HNF4G: variants seen among roughly 807,000 people sequenced by gnomAD.
HNF4G encodes hepatocyte nuclear factor 4-gamma.
In HNF4G, 21 loss-of-function variants were observed where a neutral mutation model predicts 50.9. The observed-to-expected ratio is 0.41, with a 90% CI of 0.29 to 0.59. HNF4G has a LOEUF of 0.59. Among genes scored for constraint, HNF4G ranks in the 20% least tolerant of loss-of-function variants. The pLI is 0.26. For missense variants in HNF4G, 527 were observed against 559.4 expected (o/e 0.94, Z 0.58); for synonymous variants, 198 against 185.6 (o/e 1.07, Z -0.54).
At chr8:75,443,610 C>G (rs1200776162) in intron 1 of HNF4G, among the ~76,000 whole-genome samples, 1 of 152,096 alleles carries the variant, frequency 6.6e-6, no homozygotes, top group Admixed American at 6.6e-5. Flanking sequence ...ATTCTTCCAC[C>G]TTAGTCACCA....
intron 1 of HNF4G, among the ~76,000 whole-genome samples, chr8:75,411,909 T>C (rs1437885024): frequency 1.3e-5 from 2 of 152,202 alleles, no homozygotes; most frequent in African/African-American, 2.4e-5. Flanking sequence ...TGCTAATCCA[T>C]GGGAAACATT....
At position 75,421,211 on chromosome 8, in the gene HNF4G, G is replaced by C. The variant is rs1160258353; in HGVS notation, c.-144+13049G>C. On this transcript the variant is annotated intron_variant, in intron 1 of 10. Transcript: ENST00000354370. ...CTGTTCCTTTTTCATGGTAGGTCTT[G>C]GAAATCTGTGCATTTTACACTTGCA... Among the ~76,000 whole-genome samples, 4 of 152,132 alleles carry C rather than the reference G, an allele frequency of 2.6e-5. No homozygotes were observed. In the East Asian group the frequency reaches 5.8e-4, roughly 22 times the overall value.
intron 1 of HNF4G, among the ~76,000 whole-genome samples, chr8:75,417,101 G>T (rs1810657159): frequency 7.2e-6 from 1 of 139,034 alleles, no homozygotes; most frequent in African/African-American, 2.8e-5. Flanking sequence ...ACGAGCATGT[G>T]CATGGTCGCA....
chr8:75,561,803 T>C (rs1292309291), intron 9 of HNF4G, among the ~76,000 whole-genome samples: 1 of 152,174 alleles, frequency 6.6e-6, no homozygotes, highest in East Asian at 1.9e-4. Flanking sequence ...GGGCTGCTTA[T>C]GAAAACTCCT....
chr8:75,466,294 C>T (rs1811969058), intron 1 of HNF4G, among the ~76,000 whole-genome samples: 1 of 152,040 alleles, frequency 6.6e-6, no homozygotes, highest in Non-Finnish European at 1.5e-5. Flanking sequence ...GCCTCTTTAT[C>T]TTCCAACTTT....
At chr8:75,450,551 C>T (rs1476146497) in intron 1 of HNF4G, among the ~76,000 whole-genome samples, 1 of 152,176 alleles carries the variant, frequency 6.6e-6, no homozygotes, top group African/African-American at 2.4e-5. Flanking sequence ...TACATTCTCA[C>T]CAACTGTGTA....
At chr8:75,540,938 A>AT (rs1362248449) in intron 1 of HNF4G, among the ~76,000 whole-genome samples, 2 of 151,228 alleles carry the variant, frequency 1.3e-5, no homozygotes, top group Non-Finnish European at 2.9e-5. Flanking sequence ...ATTCTACTGT[A>AT]TTGTATAATT....
intron 9 of HNF4G, among the ~76,000 whole-genome samples, chr8:75,562,423 A>G (rs554564690): frequency 5.8e-4 from 89 of 152,316 alleles, no homozygotes; most frequent in African/African-American, 2.1e-3. Context: ...ATTTGGGACC[A>G]TCCTTGCAGA....
chr8:75,487,023 A>G (rs952344716), intron 1 of HNF4G, among the ~76,000 whole-genome samples: 2 of 143,138 alleles, frequency 1.4e-5, no homozygotes, highest in East Asian at 2.0e-4. Flanking sequence ...ATGATAAGAA[A>G]AAACTAGGTA....
At chr8:75,456,204 T>C (rs962167273) in intron 1 of HNF4G, among the ~76,000 whole-genome samples, 4 of 152,050 alleles carry the variant, frequency 2.6e-5, no homozygotes, top group Non-Finnish European at 4.4e-5. Flanking sequence ...CTTTACAGGG[T>C]AGTGCAAAAT....
intron 8 of HNF4G, 129 bp downstream of exon 8, chr8:75,559,166 T>C: frequency 1.4e-6 from 1 of 696,482 alleles, no homozygotes. Flanking sequence ...ATTTTTTTCC[T>C]TCTGCTATGA....
intron 1 of HNF4G, among the ~76,000 whole-genome samples, chr8:75,473,192 C>T (rs1457763557): frequency 1.9e-4 from 29 of 151,832 alleles, no homozygotes. Flanking sequence ...GCCTGTAGTC[C>T]CAGCTACTCG....
At chr8:75,563,954 A>T (rs747622890) in intron 9 of HNF4G, 21 bp from the exon 10 acceptor site, 1 of 1,612,678 alleles carries the variant, frequency 6.2e-7, no homozygotes, top group Non-Finnish European at 8.5e-7. Context: ...CATTAGACTC[A>T]ATTCTCTGAT....
intron 2 of HNF4G, among the ~76,000 whole-genome samples, chr8:75,530,514 T>C (rs1368494701): frequency 1.3e-5 from 2 of 152,046 alleles, no homozygotes; most frequent in Admixed American, 1.3e-4. Flanking sequence ...AACTGACATT[T>C]AGGCAGAATT....
At chr8:75,548,155 T>G (rs1424336686) in intron 3 of HNF4G, among the ~76,000 whole-genome samples, 1 of 151,990 alleles carries the variant, frequency 6.6e-6, no homozygotes, top group Non-Finnish European at 1.5e-5. Flanking sequence ...TGGCTAATTT[T>G]TGTATTTTTA....
chr8:75,461,642 C>G, intron 1 of HNF4G, among the ~76,000 whole-genome samples: 1 of 152,088 alleles, frequency 6.6e-6, no homozygotes, highest in East Asian at 1.9e-4. Context: ...TGTGTGCATA[C>G]AGCAGTTCTC....
intron 2 of HNF4G, among the ~76,000 whole-genome samples, chr8:75,522,966 C>A (rs1438949441): frequency 6.6e-6 from 1 of 152,050 alleles, no homozygotes; most frequent in Non-Finnish European, 1.5e-5. Flanking sequence ...GTGGTTCATG[C>A]CTGTAATCCC....
intron 2 of HNF4G, among the ~76,000 whole-genome samples, chr8:75,507,154 T>C (rs1259842413): frequency 2.6e-5 from 4 of 152,182 alleles, no homozygotes; most frequent in African/African-American, 7.2e-5. Flanking sequence ...GGACAGGTAA[T>C]TGTCTATTTT....
At chr8:75,463,055 CTTGTTTTT>C (rs1298279397) in intron 1 of HNF4G, among the ~76,000 whole-genome samples, 2 of 141,100 alleles carry the variant, frequency 1.4e-5, no homozygotes, top group Admixed American at 1.4e-4. Context: ...TCAATGTCTG[CTTGTTTTT>C]TTGTTTTTTT....
Sources: allele counts gnomAD v4.1 joint callset (sites outside exome capture counted in the v4.1 genomes callset), GRCh38; gene constraint gnomAD v4.1.1; transcripts MANE v1.5; gene names NCBI Gene and HGNC (gene_info 2026-07-23, HGNC 2026-07-21).